The following SEPTIN9 variants were observed in gnomAD, a reference collection of about 807,000 sequenced individuals.
The protein encoded by SEPTIN9 is septin-9.
A neutral mutation model predicts 56.6 loss-of-function variants in SEPTIN9; 13 were observed. The ratio of observed to expected loss-of-function variants is 0.23; its 90% CI spans 0.15 to 0.37. SEPTIN9 has a LOEUF of 0.37. Among genes scored for constraint, SEPTIN9 ranks in the 10% least tolerant of loss-of-function variants. The probability of loss-of-function intolerance (pLI) is 1.00; values close to 1 mark genes in which losing one functional copy is unlikely to be tolerated. For synonymous variants in SEPTIN9, 332 were observed against 334.1 expected, an observed-to-expected ratio of 0.99 and a Z score of 0.07; for missense variants, 650 against 823.1, an observed-to-expected ratio of 0.79 and a Z score of 2.57.
chr17:77,297,582 AG>A, intron 1 of SEPTIN9, among the ~76,000 whole-genome samples: 1 of 152,342 alleles, frequency 6.6e-6, no homozygotes, highest in South Asian at 2.1e-4. Flanking sequence ...TCCCGTCTAA[AG>A]AAGTTGAAGA....
At chr17:77,314,703 C>A (rs957258431) in intron 2 of SEPTIN9, among the ~76,000 whole-genome samples, 1 of 152,198 alleles carries the variant, frequency 6.6e-6, no homozygotes, top group Non-Finnish European at 1.5e-5. Context: ...CAAGGTGGGG[C>A]CGATCCTACG....
At position 77,369,226 on chromosome 17, in the gene SEPTIN9, C is replaced by A. The variant is rs2034651139; in HGVS notation, c.77-32833C>A. 6.6e-6 allele frequency among the ~76,000 whole-genome samples: 1 copy of A among 151,868 alleles called. No homozygotes were observed. Among genetic ancestry groups the A allele is most frequent in the African/African-American group, 2.4e-5 (1 of 41,314 alleles). On this transcript the variant is annotated intron_variant, in intron 2 of 11. Coordinates refer to ENST00000427177, the MANE Select transcript of SEPTIN9 (RefSeq NM_001113491.2). The surrounding 1 kb of genome is among the most constrained non-coding windows in gnomAD (Gnocchi z 4.9). Reference sequence around the variant, plus strand: ...TCCAGACCGGGTGACAGAGTGAGACCCTGTCAAAAAAGAAAAGAAAAGAAA... The same window carrying A: ...TCCAGACCGGGTGACAGAGTGAGACACTGTCAAAAAAGAAAAGAAAAGAAA...
At chr17:77,404,476 G>C (rs1451592473) in intron 3 of SEPTIN9, among the ~76,000 whole-genome samples, 1 of 152,206 alleles carries the variant, frequency 6.6e-6, no homozygotes, top group Non-Finnish European at 1.5e-5. Context: ...TCAAACTCCT[G>C]GGTTCAAATG....
chr17:77,350,610 A>AGAGTGTGTGT (rs141783843), intron 2 of SEPTIN9, among the ~76,000 whole-genome samples: 2,361 of 149,494 alleles, frequency 0.016, 32 homozygotes, highest in Non-Finnish European at 0.027. Context: ...CCTCCAGTGC[A>AGAGTGTGTGT]GTGTGTGTGT....
chr17:77,487,507 G>A lies in SEPTIN9; in HGVS notation c.997G>A (p.Glu333Lys), dbSNP rs1290285658. ...CCGGAAGTCGGTGCAGCCCACCTCA[G>A]AGGAGCGCATCCCCAAGACCATCGA... ...ISRKSVQPTS[E>K]ERIPKTIEIK... is the part of the protein sequence containing the mutation. The change falls in exon 5 of 12, where the codon GAG becomes AAG. Residue 333 changes from glutamate to lysine, a missense_variant. By Grantham distance (56) the Glu-to-Lys change is moderately conservative (BLOSUM62 1). Transcript: ENST00000427177. The surrounding 1 kb of genome is among the most constrained non-coding windows in gnomAD (Gnocchi z 4.3). 3 of 1,613,572 alleles carry A rather than the reference G, an allele frequency of 1.9e-6. No individual in the cohort carries two copies. Among genetic ancestry groups the A allele is most frequent in the Non-Finnish European group, 2.5e-6 (3 of 1,179,832 alleles).
rs1313136429 is a variant in SEPTIN9, at chr17:77,490,865, G to T, written c.1380+6G>T. ...GGGTCCACTTCAAACAGCGGGTAGG[G>T]TTCCATCTCTACTTGCCCCAGCCCT... On this transcript the variant is annotated splice_donor_region_variant and intron_variant, in intron 8 of 11. Coordinates refer to ENST00000427177, the MANE Select transcript of SEPTIN9 (RefSeq NM_001113491.2). 4 of 1,562,304 alleles carry T rather than the reference G, an allele frequency of 2.6e-6. No homozygotes were observed. The highest frequency in any genetic ancestry group is 1.7e-6 in the Non-Finnish European group (2 of 1,151,616).
chr17:77,490,969 C>T (rs1049165827), intron 8 of SEPTIN9, 110 bp downstream of exon 8: 10 of 863,010 alleles, frequency 1.2e-5, no homozygotes, highest in African/African-American at 6.7e-5. Flanking sequence ...GAGACCGAAC[C>T]GCTGGTCACT....
rs2143688990 is a variant in SEPTIN9 at position 77,327,266 on chromosome 17, T to C, written c.76+20069T>C. Among the ~76,000 whole-genome samples, 1 of 151,998 alleles carries C rather than the reference T, an allele frequency of 6.6e-6. No homozygotes were observed. The highest frequency in any genetic ancestry group is 1.9e-4 in the East Asian group (1 of 5,144). On this transcript the variant is annotated intron_variant, in intron 2 of 11. Coordinates refer to ENST00000427177, the MANE Select transcript of SEPTIN9 (RefSeq NM_001113491.2). The surrounding 1 kb of genome is among the most constrained non-coding windows in gnomAD (Gnocchi z 5.0). ...GTTAGTTTATTTTTACCCGGCCTGC[T>C]CCCACCAGGGGCTGAGGCCTCCTTG...
intron 2 of SEPTIN9, among the ~76,000 whole-genome samples, chr17:77,353,051 A>G (rs2034114691): frequency 6.6e-6 from 1 of 152,216 alleles, no homozygotes; most frequent in South Asian, 2.1e-4. Context: ...CTATGTCCAT[A>G]TAAAGTCACA....
chr17:77,334,322 C>T (rs993195413), intron 2 of SEPTIN9, among the ~76,000 whole-genome samples: 9 of 150,528 alleles, frequency 6.0e-5, no homozygotes, highest in South Asian at 2.1e-4. Flanking sequence ...ATCGGGAGGC[C>T]GAGGCAGGAA....
chr17:77,315,845 G>T (rs548622743), intron 2 of SEPTIN9, among the ~76,000 whole-genome samples: 65 of 152,336 alleles, frequency 4.3e-4, no homozygotes, highest in African/African-American at 1.6e-3. Context: ...TATGGGGGGT[G>T]AAGGACAGGG....
At chr17:77,382,565 G>T (rs2035182793) in intron 2 of SEPTIN9, among the ~76,000 whole-genome samples, 1 of 152,252 alleles carries the variant, frequency 6.6e-6, no homozygotes, top group Non-Finnish European at 1.5e-5. Flanking sequence ...GGCCTGGAGG[G>T]CTGGGAGGGA....
chr17:77,306,588 A>G, intron 1 of SEPTIN9, among the ~76,000 whole-genome samples: 1 of 152,226 alleles, frequency 6.6e-6, no homozygotes, highest in East Asian at 1.9e-4. Flanking sequence ...CAAAAGGTAA[A>G]AATAGCCTGT....
chr17:77,479,222 C>G (rs1269047766), intron 3 of SEPTIN9, among the ~76,000 whole-genome samples: 1 of 152,232 alleles, frequency 6.6e-6, no homozygotes, highest in Non-Finnish European at 1.5e-5. Context: ...GCGCAGGCCT[C>G]GGACGGTGTC....
intron 3 of SEPTIN9, among the ~76,000 whole-genome samples, chr17:77,480,476 G>A (rs1374223657): frequency 2.0e-5 from 3 of 152,252 alleles, no homozygotes; most frequent in Non-Finnish European, 4.4e-5. Context: ...CCCCGCAAGT[G>A]GAAGGGCAGT....
chr17:77,439,182 T>C (rs893122720), intron 3 of SEPTIN9, among the ~76,000 whole-genome samples: 4 of 152,184 alleles, frequency 2.6e-5, no homozygotes, highest in African/African-American at 4.8e-5. Flanking sequence ...GCCCAGTTCC[T>C]GCTCCAAAGT....
chr17:77,388,140 C>T (rs1423513568), intron 2 of SEPTIN9, among the ~76,000 whole-genome samples: 1 of 152,192 alleles, frequency 6.6e-6, no homozygotes, highest in Non-Finnish European at 1.5e-5. Context: ...GGGGCCCGCC[C>T]TGCCCGCTAG....
At chr17:77,391,893 GAGA>G (rs2035553550) in intron 2 of SEPTIN9, among the ~76,000 whole-genome samples, 1 of 152,232 alleles carries the variant, frequency 6.6e-6, no homozygotes, top group Admixed American at 6.5e-5. Context: ...TGGGGGATAA[GAGA>G]AGGTTTGGAA....
chr17:77,451,447 T>A lies in SEPTIN9; in HGVS notation c.722-30697T>A. ...CGACCACAAAGCCCCTTTGATCCTC[T>A]GCTCGGCTCTGAGCCATGTGACCCG... On this transcript the variant is annotated intron_variant, in intron 3 of 11. Coordinates refer to ENST00000427177, the MANE Select transcript of SEPTIN9 (RefSeq NM_001113491.2). This position sits in a 1 kb window ranked among gnomAD's most constrained non-coding sequence, Gnocchi z 4.2. 1.0e-6 allele frequency: 1 copy of A among 985,762 alleles called. No homozygotes were observed. The highest frequency in any genetic ancestry group is 1.2e-6 in the Non-Finnish European group (1 of 830,184). 61.1% of individuals were successfully genotyped at this position (985,762 alleles called of 1,614,324 possible). A position where few individuals can be genotyped will look rare whatever the true frequency, so the allele number is the denominator to read the frequency against.
Sources: gnomAD v4.1 joint callset for allele counts (sites outside exome capture counted in the v4.1 genomes callset) on GRCh38, gnomAD v4.1.1 for gene constraint, Gnocchi (gnomAD v3.1) non-coding constraint, MANE v1.5 for transcripts, NCBI Gene and HGNC (gene_info 2026-07-23, HGNC 2026-07-21) for gene names.